SLC13A1: variants seen among roughly 807,000 people sequenced by gnomAD.
The protein encoded by SLC13A1 is Na(+)/sulfate cotransporter.
SLC13A1 carries 65 observed loss-of-function variants against 70.0 expected under a neutral mutation model. That is an observed-to-expected ratio of 0.93 (90% CI 0.76 to 1.14). SLC13A1 has a LOEUF of 1.14. SLC13A1 is among the 50% of genes most tolerant of loss of function. The pLI, the probability that SLC13A1 is intolerant of heterozygous loss-of-function variation, is 0.00. For synonymous variants in SLC13A1, 275 were observed against 250.5 expected (o/e 1.10, Z -0.92); for missense variants, 726 against 717.8 (o/e 1.01, Z -0.13).
chr7:123,129,761 T>C (rs531762183), intron 8 of SLC13A1, among the ~76,000 whole-genome samples: 4 of 152,312 alleles, frequency 2.6e-5, no homozygotes, highest in Admixed American at 6.5e-5. Context: ...AATCTCTTCC[T>C]TTTTCCAAGT....
chr7:123,151,767 A>T (rs1008682967), intron 6 of SLC13A1, among the ~76,000 whole-genome samples: 1 of 152,040 alleles, frequency 6.6e-6, no homozygotes, highest in Admixed American at 6.6e-5. Flanking sequence ...ACTCTCAGCC[A>T]CTTTGCTGTA....
In SLC13A1 at chr7:123,113,707, A is replaced by T. The variant is rs1458921553; in HGVS notation, c.*1811T>A. 1 of 152,164 alleles carries T rather than the reference A, an allele frequency of 6.6e-6. No homozygotes were observed. The highest frequency in any genetic ancestry group is 1.5e-5 in the Non-Finnish European group (1 of 68,022). 9.4% of individuals were successfully genotyped at this position (152,164 alleles called of 1,614,324 possible). ...AGGAACAAATGAATAGAATAAACAT[A>T]GAAGAGTTATACAAAGCAGCAATAT... On this transcript the variant is annotated 3_prime_UTR_variant, in exon 15 of 15. Transcript: ENST00000194130.
intron 1 of SLC13A1, among the ~76,000 whole-genome samples, chr7:123,185,492 C>T (rs1225384149): frequency 1.3e-5 from 2 of 152,004 alleles, no homozygotes; most frequent in Non-Finnish European, 2.9e-5. Context: ...TTTCATTCTT[C>T]TGCAGGTGGA....
At chr7:123,117,638 T>A (rs1264507760) in intron 13 of SLC13A1, 30 bp from the exon 14 acceptor site, 6 of 1,480,102 alleles carry the variant, frequency 4.1e-6, no homozygotes, top group Non-Finnish European at 5.4e-6. Context: ...AGAGTCTAAG[T>A]AAAATTTTGA....
chr7:123,138,815 A>G (rs572710436), intron 7 of SLC13A1, among the ~76,000 whole-genome samples: 6 of 152,146 alleles, frequency 3.9e-5, no homozygotes, highest in African/African-American at 1.2e-4. Context: ...TTGGTTATTA[A>G]TACTTCGTTA....
chr7:123,166,231 A>G (rs531553176), intron 6 of SLC13A1, among the ~76,000 whole-genome samples: 5 of 152,224 alleles, frequency 3.3e-5, no homozygotes, highest in African/African-American at 7.2e-5. Flanking sequence ...TGCCTGGGAC[A>G]GTATTTGGAT....
At chr7:123,160,292 G>T (rs1407451998) in intron 6 of SLC13A1, among the ~76,000 whole-genome samples, 1 of 150,482 alleles carries the variant, frequency 6.6e-6, no homozygotes, top group Non-Finnish European at 1.5e-5. Context: ...AAAAAAGCTG[G>T]TCGTCCTGTA....
chr7:123,140,490 A>G (rs529626983), intron 7 of SLC13A1, among the ~76,000 whole-genome samples: 39 of 152,180 alleles, frequency 2.6e-4, no homozygotes, highest in African/African-American at 8.4e-4. Flanking sequence ...GAATAGTTTG[A>G]GTAGGATTGA....
At chr7:123,127,780 T>C (rs541757028) in intron 10 of SLC13A1, among the ~76,000 whole-genome samples, 15 of 151,752 alleles carry the variant, frequency 9.9e-5, no homozygotes, top group South Asian at 4.2e-4. Context: ...AATTTCTTTA[T>C]TGTATGTGGG....
At chr7:123,148,218 A>AC (rs1794430729) in intron 6 of SLC13A1, among the ~76,000 whole-genome samples, 1 of 152,100 alleles carries the variant, frequency 6.6e-6, no homozygotes, top group Admixed American at 6.6e-5. Context: ...CTGGTCACCC[A>AC]CTGTCATTTA....
rs1024570065 is a variant in SLC13A1 at position 123,115,187 on chromosome 7, A to T, written c.*331T>A. 7.2e-5 allele frequency: 12 copies of T among 166,728 alleles called. No homozygotes were observed. Among genetic ancestry groups the T allele is most frequent in the Non-Finnish European group, 1.5e-4 (12 of 77,788 alleles). 10.3% of individuals were successfully genotyped at this position (166,728 alleles called of 1,614,324 possible). A position where few individuals can be genotyped will look rare whatever the true frequency, so the allele number is the denominator to read the frequency against. On this transcript the variant is annotated 3_prime_UTR_variant, in exon 15 of 15. Transcript: ENST00000194130. ...AATTGCATTTAAAATGTTACATTGAACTCCAACTGTAAGATGAAACAAATG... is the reference window on the plus strand; with the variant it reads ...AATTGCATTTAAAATGTTACATTGATCTCCAACTGTAAGATGAAACAAATG...
chr7:123,194,922 T>C (rs1025597981), intron 1 of SLC13A1, among the ~76,000 whole-genome samples: 5 of 152,094 alleles, frequency 3.3e-5, no homozygotes, highest in African/African-American at 2.4e-5. Context: ...CTTAGTGGTT[T>C]ATCCACTTTT....
At position 123,173,839 on chromosome 7, in the gene SLC13A1, C is replaced by G. The variant is rs551131409; in HGVS notation, c.229-1935G>C. On this transcript the variant is annotated intron_variant, in intron 2 of 14. Transcript: ENST00000194130. ...AGAGGGACAATGAATAAGCTATGGTCTCTGAGCTCTTATATCCCAATTTTC... is the reference window on the plus strand; with the variant it reads ...AGAGGGACAATGAATAAGCTATGGTGTCTGAGCTCTTATATCCCAATTTTC... Among the ~76,000 whole-genome samples, 3 of 152,170 alleles carry G rather than the reference C, an allele frequency of 2.0e-5. No homozygotes were observed. The East Asian group carries it at 5.8e-4, about 29-fold the overall frequency.
chr7:123,159,938 C>G (rs1415479116), intron 6 of SLC13A1, among the ~76,000 whole-genome samples: 1 of 151,690 alleles, frequency 6.6e-6, no homozygotes, highest in African/African-American at 2.4e-5. Context: ...TTTATAAAAG[C>G]TGGTAGTGTC....
chr7:123,177,187 A>G (rs935101579), intron 2 of SLC13A1, among the ~76,000 whole-genome samples: 1 of 152,040 alleles, frequency 6.6e-6, no homozygotes, highest in African/African-American at 2.4e-5. Context: ...CATTTTCCCA[A>G]TTGGCAGATA....
intron 6 of SLC13A1, among the ~76,000 whole-genome samples, chr7:123,159,669 A>AGT (rs143453679): frequency 2.3e-4 from 35 of 152,152 alleles, no homozygotes; most frequent in Non-Finnish European, 4.4e-4. Flanking sequence ...CACCCATACA[A>AGT]GTGTGTGTGT....
intron 1 of SLC13A1, among the ~76,000 whole-genome samples, chr7:123,191,957 T>C (rs1297821195): frequency 6.6e-6 from 1 of 152,220 alleles, no homozygotes; most frequent in East Asian, 1.9e-4. Flanking sequence ...TCTAATATTG[T>C]TTGTATTTAT....
chr7:123,160,107 T>C (rs2116492104), intron 6 of SLC13A1, among the ~76,000 whole-genome samples: 1 of 151,670 alleles, frequency 6.6e-6, no homozygotes, highest in South Asian at 2.1e-4. Flanking sequence ...CATAGTGACA[T>C]CCCTTCTTTA....
At position 123,115,494 on chromosome 7, in the gene SLC13A1, A is replaced by G; in HGVS notation, c.*24T>C. On this transcript the variant is annotated 3_prime_UTR_variant, in exon 15 of 15. Coordinates refer to ENST00000194130, the MANE Select transcript of SLC13A1 (RefSeq NM_022444.4). Reference sequence around the variant, plus strand: ...TTAATGTCTTCCAGAAATTACCGCAAGATAGTCAGAAATTTTGTGCTTATT... The same window carrying G: ...TTAATGTCTTCCAGAAATTACCGCAGGATAGTCAGAAATTTTGTGCTTATT... 1 of 1,601,238 alleles carries G rather than the reference A, an allele frequency of 6.2e-7. No homozygotes were observed.
Sources: gnomAD v4.1 joint callset for allele counts (sites outside exome capture counted in the v4.1 genomes callset) on GRCh38, gnomAD v4.1.1 for gene constraint, MANE v1.5 for transcripts, NCBI Gene and HGNC (gene_info 2026-07-23, HGNC 2026-07-21) for gene names.